The following ZC3H8 variants were observed in gnomAD, a reference collection of about 807,000 sequenced individuals.
ZC3H8 encodes zinc finger CCCH domain-containing protein 8.
A neutral mutation model predicts 42.5 loss-of-function variants in ZC3H8; 27 were observed. That is an observed-to-expected ratio of 0.64 (90% CI 0.47 to 0.88). The LOEUF is 0.88. Among genes scored for constraint, ZC3H8 ranks in the 40% least tolerant of loss-of-function variants. The pLI is 0.00. For missense variants in ZC3H8, 277 were observed against 336.1 expected (o/e 0.82, Z 1.37); for synonymous variants, 101 against 110.1 (o/e 0.92, Z 0.52).
In ZC3H8 at chr2:112,236,573, A is replaced by G; in HGVS notation, c.493T>C (p.Ser165Pro). 6.2e-7 allele frequency: 1 copy of G among 1,613,362 alleles called. No individual in the cohort carries two copies. The highest frequency in any genetic ancestry group is 8.5e-7 in the Non-Finnish European group (1 of 1,179,752). Reference sequence around the variant, plus strand: ...ATATATTCCAATACCTCTTCCTGTGAGCCGCTGTTCCTCAGCAAAGCATTT... The same window carrying G: ...ATATATTCCAATACCTCTTCCTGTGGGCCGCTGTTCCTCAGCAAAGCATTT... ...GSNALLRNSGSQEEDGKPKEK... is the reference protein window; with the variant it reads ...GSNALLRNSGPQEEDGKPKEK... The change falls in exon 4 of 9, where the codon TCA becomes CCA. Residue 165 changes from serine to proline, a missense_variant. Physicochemically the swap from Ser to Pro is moderately conservative, Grantham distance 74. Coordinates refer to ENST00000409573, the MANE Select transcript of ZC3H8 (RefSeq NM_032494.3).
intron 1 of ZC3H8, chr2:112,253,938 T>C (rs1381315367): frequency 4.6e-5 from 8 of 174,232 alleles, no homozygotes; most frequent in Non-Finnish European, 1.1e-5. Flanking sequence ...GGTGATAAAA[T>C]CATGGATCCT....
chr2:112,217,637 C>A (rs571408249), intron 8 of ZC3H8, among the ~76,000 whole-genome samples: 6 of 152,276 alleles, frequency 3.9e-5, no homozygotes, highest in Non-Finnish European at 5.9e-5. Flanking sequence ...TAAAAAGTTA[C>A]ATTCTTTAAT....
At chr2:112,240,467 T>A (rs1420833142) in intron 2 of ZC3H8, 1 of 152,192 alleles carries the variant, frequency 6.6e-6, no homozygotes, top group Non-Finnish European at 1.5e-5. Context: ...ATCAAATACA[T>A]AGAGGTGAGA....
At chr2:112,246,176 C>T (rs1187877059) in intron 2 of ZC3H8, among the ~76,000 whole-genome samples, 1 of 152,184 alleles carries the variant, frequency 6.6e-6, no homozygotes, top group East Asian at 1.9e-4. Flanking sequence ...GAAAAAATAT[C>T]CTTTTCAAAA....
rs377541800 is a variant in ZC3H8, at chr2:112,246,465, G to GAA, written c.156+3725_156+3726insTT. The stretch of plus-strand genomic sequence containing the variant: ...GAACATTCGTGATTCATGGCAGAAG[G>GAA]TCAAATATCAACAATAACAGGAGTT... On this transcript the variant is annotated intron_variant, in intron 2 of 8. Transcript: ENST00000409573. Among the ~76,000 whole-genome samples the GAA allele has an allele frequency of 4.9e-4, 75 of 152,322 alleles. No homozygotes were observed. In the East Asian group the frequency reaches 7.3e-3, roughly 15 times the overall value.
rs1407246281 is a variant in ZC3H8, at chr2:112,220,664, A to G, written c.*16-4196T>C. Among the ~76,000 whole-genome samples, 20 of 152,198 alleles carry G rather than the reference A, an allele frequency of 1.3e-4. No homozygotes were observed. The South Asian group carries it at 4.1e-3, about 32-fold the overall frequency. ...TGGAGAAACCCCGTCTTCATTAAAA[A>G]TACAAAATTAGCCAGGCATGGTGGT... On this transcript the variant is annotated intron_variant, in intron 8 of 8. Coordinates refer to ENST00000409573, the MANE Select transcript of ZC3H8 (RefSeq NM_032494.3).
intron 2 of ZC3H8, among the ~76,000 whole-genome samples, chr2:112,240,977 G>C (rs181499734): frequency 6.9e-6 from 1 of 144,720 alleles, no homozygotes; most frequent in Non-Finnish European, 1.5e-5. Flanking sequence ...GTGTGTGTGT[G>C]TGTGTGTGCG....
intron 8 of ZC3H8, among the ~76,000 whole-genome samples, chr2:112,217,472 T>C (rs1157976634): frequency 6.6e-6 from 1 of 152,254 alleles, no homozygotes; most frequent in African/African-American, 2.4e-5. Flanking sequence ...ATGAACTTTT[T>C]ATACTGTTAC....
intron 8 of ZC3H8, among the ~76,000 whole-genome samples, chr2:112,228,199 C>CT (rs1573896152): frequency 6.6e-6 from 1 of 152,062 alleles, no homozygotes; most frequent in Non-Finnish European, 1.5e-5. Flanking sequence ...AAGGGGCAGT[C>CT]TTTTTTTAAA....
At chr2:112,218,860 A>G (rs1235039824) in intron 8 of ZC3H8, among the ~76,000 whole-genome samples, 1 of 152,194 alleles carries the variant, frequency 6.6e-6, no homozygotes, top group East Asian at 1.9e-4. Context: ...CTCCTCTGTT[A>G]TTCAAGGGCC....
chr2:112,254,798 C>G lies in ZC3H8; in HGVS notation c.74+110G>C, dbSNP rs924594888. 3 of 1,337,408 alleles carry G rather than the reference C, an allele frequency of 2.2e-6. No homozygotes were observed. In the Admixed American group the frequency reaches 7.1e-5, roughly 32 times the overall value. The allele number at this position is 1,337,408 out of a possible 1,614,324, so 82.8% of individuals were successfully genotyped here. A position where few individuals can be genotyped will look rare whatever the true frequency, so the allele number is the denominator to read the frequency against. On this transcript the variant is annotated intron_variant, in intron 1 of 8. Coordinates refer to ENST00000409573, the MANE Select transcript of ZC3H8 (RefSeq NM_032494.3). ...CCGGCCCACGTGCTCCCCACGGGCCCTCGCGACGCGGCCCGGACGTGGCCC... is the reference window on the plus strand; with the variant it reads ...CCGGCCCACGTGCTCCCCACGGGCCGTCGCGACGCGGCCCGGACGTGGCCC...
At chr2:112,233,102 G>T (rs1685162649) in intron 6 of ZC3H8, among the ~76,000 whole-genome samples, 158 bp downstream of exon 6, 1 of 152,080 alleles carries the variant, frequency 6.6e-6, no homozygotes, top group Non-Finnish European at 1.5e-5. Context: ...TCTTGCTTAT[G>T]AAAAAATCCA....
At chr2:112,225,335 A>T (rs1684772711) in intron 8 of ZC3H8, among the ~76,000 whole-genome samples, 1 of 152,242 alleles carries the variant, frequency 6.6e-6, no homozygotes, top group Admixed American at 6.5e-5. Flanking sequence ...ACAATTAGCC[A>T]GGTGTGGTAG....
At chr2:112,217,783 T>C (rs1046015525) in intron 8 of ZC3H8, among the ~76,000 whole-genome samples, 5 of 152,218 alleles carry the variant, frequency 3.3e-5, no homozygotes, top group African/African-American at 9.7e-5. Flanking sequence ...ATATTTTCAG[T>C]TGTCCTCCTC....
rs1684282354 is a variant in ZC3H8, at chr2:112,215,381, G to A, written c.*1103C>T. 1 of 152,106 alleles carries A rather than the reference G, an allele frequency of 6.6e-6. No homozygotes were observed. Among genetic ancestry groups the A allele is most frequent in the East Asian group, 1.9e-4 (1 of 5,196 alleles). The allele number at this position is 152,106 out of a possible 1,614,324, so 9.4% of individuals were successfully genotyped here. A position where few individuals can be genotyped will look rare whatever the true frequency, so the allele number is the denominator to read the frequency against. On this transcript the variant is annotated 3_prime_UTR_variant, in exon 9 of 9. Transcript: ENST00000409573. Reference sequence around the variant, plus strand: ...CATTCCTCAGTTTCCTGCTTCTAAGGGCCTAGGATTTACCCTTGTTTCCTG... The same window carrying A: ...CATTCCTCAGTTTCCTGCTTCTAAGAGCCTAGGATTTACCCTTGTTTCCTG...
chr2:112,230,663 T>C (rs1482574904), intron 8 of ZC3H8: 2 of 205,534 alleles, frequency 9.7e-6, no homozygotes, highest in Non-Finnish European at 9.7e-6. Context: ...ACGTATTTGG[T>C]AAATCTACAA....
intron 8 of ZC3H8, among the ~76,000 whole-genome samples, chr2:112,218,758 ATTAG>A (rs1418630054): frequency 2.0e-5 from 3 of 152,174 alleles, no homozygotes; most frequent in Non-Finnish European, 4.4e-5. Flanking sequence ...GTAGGCTATT[ATTAG>A]TTATGATTTT....
At chr2:112,238,228 T>G (rs2104660081) in intron 3 of ZC3H8, 87 bp downstream of exon 3, 1 of 1,310,690 alleles carries the variant, frequency 7.6e-7, no homozygotes, top group Admixed American at 2.2e-5. Flanking sequence ...TAAGATAAAG[T>G]GCAAAGAAAA....
intron 2 of ZC3H8, among the ~76,000 whole-genome samples, chr2:112,249,042 C>T (rs958659116): frequency 1.2e-4 from 19 of 152,104 alleles, no homozygotes; most frequent in African/African-American, 4.3e-4. Flanking sequence ...TTTTTCTCTA[C>T]AAAAAACACA....
Sources: allele counts gnomAD v4.1 joint callset (sites outside exome capture counted in the v4.1 genomes callset), GRCh38; gene constraint gnomAD v4.1.1; transcripts MANE v1.5; gene names NCBI Gene and HGNC (gene_info 2026-07-23, HGNC 2026-07-21).